The following PARN variants were observed in gnomAD, a reference collection of about 807,000 sequenced individuals.
PARN encodes poly(A)-specific ribonuclease PARN.
A neutral mutation model predicts 102.8 loss-of-function variants in PARN; 71 were observed. The observed-to-expected ratio is 0.69, with a 90% CI of 0.57 to 0.84. PARN has a LOEUF of 0.84. Among genes scored for constraint, PARN ranks in the 40% least tolerant of loss-of-function variants. The pLI, the probability that PARN is intolerant of heterozygous loss-of-function variation, is 0.00. For missense variants in PARN, 782 were observed against 760.9 expected (o/e 1.03, Z -0.33); for synonymous variants, 261 against 252.9 (o/e 1.03, Z -0.30).
intron 21 of PARN, among the ~76,000 whole-genome samples, chr16:14,547,418 G>A (rs952977515): frequency 2.0e-5 from 3 of 152,138 alleles, no homozygotes; most frequent in South Asian, 2.1e-4. Context: ...TCAAAATGTC[G>A]AAAATAGCCA....
chr16:14,579,245 G>A, intron 18 of PARN, among the ~76,000 whole-genome samples: 1 of 152,342 alleles, frequency 6.6e-6, no homozygotes, highest in Non-Finnish European at 1.5e-5. Flanking sequence ...TGGGATTACA[G>A]GCGTAAGCCA....
At chr16:14,516,083 A>G (rs1182263719) in intron 21 of PARN, among the ~76,000 whole-genome samples, 1 of 152,162 alleles carries the variant, frequency 6.6e-6, no homozygotes. Flanking sequence ...AAATTGTTTT[A>G]TGAGGGCCAA....
intron 22 of PARN, among the ~76,000 whole-genome samples, chr16:14,477,242 C>A (rs1167190172): frequency 6.6e-6 from 1 of 151,596 alleles, no homozygotes; most frequent in East Asian, 1.9e-4. Flanking sequence ...GAGTTCGAGA[C>A]CAGCCTGGCC....
At chr16:14,451,867 T>TAAAAAAAAAAAAAAAAAAAA (rs1567287329) in intron 22 of PARN, among the ~76,000 whole-genome samples, 1 of 23,744 alleles carries the variant, frequency 4.2e-5, no homozygotes, top group Non-Finnish European at 7.5e-5. Context: ...AAAAAAAAAA[T>TAAAAAAAAAAAAAAAAAAAA]ACAAAAAAAA....
chr16:14,496,469 C>A (rs891972010), intron 21 of PARN, among the ~76,000 whole-genome samples: 6 of 151,910 alleles, frequency 3.9e-5, no homozygotes, highest in African/African-American at 1.5e-4. Context: ...AAAGATGAAA[C>A]ACAACTTAAA....
chr16:14,606,607 C>T, intron 9 of PARN, 81 bp from the exon 10 acceptor site: 1 of 673,280 alleles, frequency 1.5e-6, no homozygotes, highest in Non-Finnish European at 2.6e-6. Flanking sequence ...AACTATCCAG[C>T]TACTAATTAA....
At position 14,628,134 on chromosome 16, in the gene PARN, C is replaced by T. The variant is rs774315516; in HGVS notation, c.177+38G>A. On this transcript the variant is annotated intron_variant, in intron 3 of 23. Coordinates refer to ENST00000437198, the MANE Select transcript of PARN (RefSeq NM_002582.4). ...TATCATTTAACATAAGGAAGACTAA[C>T]ATGAGAAAGAAAAAGATTTCCTAGC... The T allele has an allele frequency of 6.1e-6, 7 of 1,155,294 alleles. No homozygotes were observed. In the African/African-American group the frequency reaches 9.1e-5, roughly 15 times the overall value. 71.6% of individuals were successfully genotyped at this position (1,155,294 alleles called of 1,614,324 possible). A position where few individuals can be genotyped will look rare whatever the true frequency, so the allele number is the denominator to read the frequency against.
chr16:14,442,944 T>C (rs1257227064), intron 23 of PARN, among the ~76,000 whole-genome samples: 1 of 152,242 alleles, frequency 6.6e-6, no homozygotes, highest in African/African-American at 2.4e-5. Context: ...GTTTCTGATC[T>C]AGAACAGCTG....
At chr16:14,573,837 C>T (rs1968956811) in intron 18 of PARN, among the ~76,000 whole-genome samples, 1 of 152,166 alleles carries the variant, frequency 6.6e-6, no homozygotes, top group African/African-American at 2.4e-5. Flanking sequence ...TGAGGCCTCC[C>T]CAGCCACATG....
intron 13 of PARN, among the ~76,000 whole-genome samples, chr16:14,587,962 C>A (rs1969960288): frequency 6.6e-6 from 1 of 152,208 alleles, no homozygotes; most frequent in Admixed American, 6.5e-5. Context: ...TACGCACTTA[C>A]ACAACAAAAT....
intron 21 of PARN, among the ~76,000 whole-genome samples, chr16:14,518,650 G>T (rs549306977): frequency 2.0e-5 from 3 of 152,050 alleles, no homozygotes; most frequent in Non-Finnish European, 4.4e-5. Context: ...ACAATGGAAG[G>T]ATGAAGCAAA....
intron 21 of PARN, among the ~76,000 whole-genome samples, chr16:14,495,621 G>A (rs571979175): frequency 3.9e-5 from 6 of 152,316 alleles, no homozygotes; most frequent in South Asian, 2.1e-4. Flanking sequence ...GAGGAACCAC[G>A]GTAAGGGTGG....
intron 21 of PARN, among the ~76,000 whole-genome samples, chr16:14,511,053 A>G (rs1453824883): frequency 6.6e-6 from 1 of 152,250 alleles, no homozygotes; most frequent in East Asian, 1.9e-4. Context: ...AAAGAGCCCC[A>G]TGAATACACA....
intron 6 of PARN, among the ~76,000 whole-genome samples, chr16:14,614,846 C>CAAAAAAAAAAAAAAAA (rs57502376): frequency 3.2e-4 from 12 of 37,654 alleles, no homozygotes; most frequent in Admixed American, 5.1e-4. Context: ...GAAACTGTCT[C>CAAAAAAAAAAAAAAAA]AAAAAAAAAA....
At position 14,543,673 on chromosome 16, in the gene PARN, T is replaced by G. The variant is rs554575636; in HGVS notation, c.1480+8348A>C. Among the ~76,000 whole-genome samples the G allele has an allele frequency of 2.1e-4, 32 of 151,908 alleles. No individual in the cohort carries two copies. The South Asian group carries it at 6.6e-3, about 32-fold the overall frequency. On this transcript the variant is annotated intron_variant, in intron 21 of 23. Transcript: ENST00000437198. ...AAATTTGTAAAGCAACCACTAAAAATAATGCAAAAAGATAAAACAAAAAAG... is the reference window on the plus strand; with the variant it reads ...AAATTTGTAAAGCAACCACTAAAAAGAATGCAAAAAGATAAAACAAAAAAG...
intron 21 of PARN, among the ~76,000 whole-genome samples, chr16:14,491,697 G>C (rs1009476879): frequency 6.6e-6 from 1 of 152,156 alleles, no homozygotes; most frequent in African/African-American, 2.4e-5. Context: ...ACTTGAGCCA[G>C]CAAGGTTGAG....
chr16:14,456,459 C>CCAT (rs1315570217), intron 22 of PARN, among the ~76,000 whole-genome samples: 2 of 152,102 alleles, frequency 1.3e-5, no homozygotes, highest in Non-Finnish European at 2.9e-5. Context: ...TAGGCGTGAA[C>CCAT]CATCATGCCT....
chr16:14,513,187 A>G (rs1438099753), intron 21 of PARN, among the ~76,000 whole-genome samples: 1 of 152,176 alleles, frequency 6.6e-6, no homozygotes, highest in Non-Finnish European at 1.5e-5. Context: ...GGCCTCCCAA[A>G]GTGCTGGGAT....
At chr16:14,621,128 C>A (rs572882137) in intron 5 of PARN, among the ~76,000 whole-genome samples, 21 of 152,302 alleles carry the variant, frequency 1.4e-4, no homozygotes, top group Middle Eastern at 6.8e-3. Flanking sequence ...TCCCTACCCC[C>A]ACTTCTTTTT....
Sources: gnomAD v4.1 joint callset for allele counts (sites outside exome capture counted in the v4.1 genomes callset) on GRCh38, gnomAD v4.1.1 for gene constraint, MANE v1.5 for transcripts, NCBI Gene and HGNC (gene_info 2026-07-23, HGNC 2026-07-21) for gene names.